The following EXT1 variants were observed in gnomAD, a reference collection of about 807,000 sequenced individuals.
EXT1 encodes the protein exostosin glycosyltransferase 1.
In EXT1, 20 loss-of-function variants were observed where a neutral mutation model predicts 82.5. That is an observed-to-expected ratio of 0.24 (90% CI 0.17 to 0.35). The LOEUF (loss-of-function observed/expected upper bound fraction) is 0.35. Among genes scored for constraint, EXT1 ranks in the 10% least tolerant of loss-of-function variants. The pLI is 1.00. For synonymous variants in EXT1, 348 were observed against 350.8 expected, an observed-to-expected ratio of 0.99 and a Z score of 0.09; for missense variants, 757 against 936.5, an observed-to-expected ratio of 0.81 and a Z score of 2.50.
chr8:118,050,699 C>T lies in EXT1; in HGVS notation c.962+59386G>A, dbSNP rs576801175. Among the ~76,000 whole-genome samples, 38 of 152,294 alleles carry T rather than the reference C, an allele frequency of 2.5e-4. No homozygotes were observed. In the East Asian group the frequency reaches 7.3e-3, roughly 29 times the overall value. On this transcript the variant is annotated intron_variant, in intron 1 of 10. Transcript: ENST00000378204. ...TGACATTTGATTTTCATATAATTTT[C>T]ACATGTCATAAAGTACTATTCTTCT...
At chr8:118,064,588 T>C (rs1021163784) in intron 1 of EXT1, among the ~76,000 whole-genome samples, 3 of 152,224 alleles carry the variant, frequency 2.0e-5, no homozygotes, top group Admixed American at 6.5e-5. Context: ...TTGATGGGCA[T>C]CTGGGTTGGT....
At chr8:118,075,368 T>C (rs1817188240) in intron 1 of EXT1, among the ~76,000 whole-genome samples, 1 of 152,216 alleles carries the variant, frequency 6.6e-6, no homozygotes, top group South Asian at 2.1e-4. Flanking sequence ...GAGAGGCTGA[T>C]CTATGTGTTC....
intron 1 of EXT1, among the ~76,000 whole-genome samples, chr8:117,946,063 C>T (rs1814381229): frequency 6.6e-6 from 1 of 152,084 alleles, no homozygotes; most frequent in African/African-American, 2.4e-5. Flanking sequence ...CCATGCCCGG[C>T]TAATTTTATA....
intron 1 of EXT1, among the ~76,000 whole-genome samples, chr8:117,931,879 C>T (rs1442175376): frequency 6.6e-6 from 1 of 152,142 alleles, no homozygotes; most frequent in South Asian, 2.1e-4. Context: ...TTTTTGATCA[C>T]TTGAAATGTT....
chr8:117,818,299 A>G, intron 7 of EXT1, 136 bp downstream of exon 7: 1 of 747,130 alleles, frequency 1.3e-6, no homozygotes, highest in East Asian at 2.6e-5. Context: ...ATCTGAGAAT[A>G]TTCTGAGAAA....
rs1398390237 is a variant in EXT1, at chr8:117,997,251, ATATATATATATACACACTT to A, written c.962+112815_962+112833del. ...GTATGGTATAGTTGTCATACTATAT[ATATATATATATACACACTT>A]TATATATATATACTTTATATATAAT... On this transcript the variant is annotated intron_variant, in intron 1 of 10. Transcript: ENST00000378204. Among the ~76,000 whole-genome samples, 3 of 130,072 alleles carry A rather than the reference ATATATATATATACACACTT, an allele frequency of 2.3e-5. No homozygotes were observed. In the East Asian group the frequency reaches 6.8e-4, roughly 30 times the overall value. 85.3% of individuals were successfully genotyped at this position (130,072 alleles called of 152,430 possible).
chr8:117,846,830 C>T (rs1036482424), intron 1 of EXT1, among the ~76,000 whole-genome samples: 2 of 152,138 alleles, frequency 1.3e-5, no homozygotes, highest in African/African-American at 4.8e-5. Flanking sequence ...GTCAGCTCCC[C>T]ACCTAGGACA....
chr8:117,831,509 T>G, intron 3 of EXT1: 1 of 458,268 alleles, frequency 2.2e-6, no homozygotes, highest in South Asian at 1.6e-5. Flanking sequence ...TTCCCTATTT[T>G]CACCTACAGT....
chr8:117,938,197 C>T (rs1371725271), intron 1 of EXT1, among the ~76,000 whole-genome samples: 1 of 152,152 alleles, frequency 6.6e-6, no homozygotes, highest in East Asian at 1.9e-4. Flanking sequence ...CACGGTGGCT[C>T]ATGCCTGTAA....
At chr8:118,033,732 G>C (rs1243864283) in intron 1 of EXT1, among the ~76,000 whole-genome samples, 1 of 152,036 alleles carries the variant, frequency 6.6e-6, no homozygotes, top group East Asian at 1.9e-4. Context: ...CTTCTGCTTC[G>C]GCCTCTGAAA....
intron 1 of EXT1, among the ~76,000 whole-genome samples, chr8:117,886,876 T>G (rs890335535): frequency 2.0e-5 from 3 of 152,176 alleles, no homozygotes; most frequent in African/African-American, 7.2e-5. Flanking sequence ...GGACAGAGGT[T>G]AAAAGCTTAA....
intron 1 of EXT1, among the ~76,000 whole-genome samples, chr8:117,901,991 C>A (rs1397195416): frequency 6.6e-6 from 1 of 152,068 alleles, no homozygotes; most frequent in African/African-American, 2.4e-5. Flanking sequence ...AGCCACTGCG[C>A]CCAGCCTATA....
In EXT1 at chr8:117,888,268, A is replaced by G. The variant is rs149489491; in HGVS notation, c.963-51067T>C. Among the ~76,000 whole-genome samples, 399 of 152,228 alleles carry G rather than the reference A, an allele frequency of 2.6e-3. 2 individuals are homozygous for G. The highest frequency in any genetic ancestry group is 9.3e-3 in the African/African-American group (387 of 41,554). ...CACAGAGGTTATCATTTTATGCTATAATGAACTGTGTCAAGATTATGGTGA... is the reference window on the plus strand; with the variant it reads ...CACAGAGGTTATCATTTTATGCTATGATGAACTGTGTCAAGATTATGGTGA... On this transcript the variant is annotated intron_variant, in intron 1 of 10. Transcript: ENST00000378204.
intron 4 of EXT1, among the ~76,000 whole-genome samples, chr8:117,827,627 C>G (rs1177761377): frequency 1.3e-5 from 2 of 151,550 alleles, no homozygotes; most frequent in Non-Finnish European, 2.9e-5. Flanking sequence ...GCAGCCTGGC[C>G]AACATGGTGA....
At chr8:118,037,893 T>C (rs1816455271) in intron 1 of EXT1, among the ~76,000 whole-genome samples, 2 of 146,236 alleles carry the variant, frequency 1.4e-5, no homozygotes, top group Admixed American at 6.9e-5. Flanking sequence ...CAGACTGCAG[T>C]GCAATGGCAT....
chr8:117,843,010 A>G lies in EXT1; in HGVS notation c.963-5809T>C, dbSNP rs1812297121. Among the ~76,000 whole-genome samples the G allele has an allele frequency of 2.6e-5, 4 of 152,240 alleles. 1 individual carries two copies. The highest frequency in any genetic ancestry group is 2.0e-4 in the Admixed American group (3 of 15,286). On this transcript the variant is annotated intron_variant, in intron 1 of 10. Transcript: ENST00000378204. The stretch of plus-strand genomic sequence containing the variant: ...GTCTCAAGTATTTATTCATAAAGTA[A>G]CTTAACATCTACAGCTGATCTACTC...
chr8:118,011,132 T>C (rs1815891133), intron 1 of EXT1, among the ~76,000 whole-genome samples: 2 of 152,318 alleles, frequency 1.3e-5, no homozygotes, highest in South Asian at 4.1e-4. Flanking sequence ...AAGTGTTATA[T>C]GCAAACGACA....
intron 1 of EXT1, among the ~76,000 whole-genome samples, chr8:118,012,680 G>A (rs1458754307): frequency 6.6e-6 from 1 of 152,142 alleles, no homozygotes; most frequent in Non-Finnish European, 1.5e-5. Flanking sequence ...CTTTAAAATG[G>A]GGCTGATAAA....
chr8:118,110,257 G>A lies in EXT1; in HGVS notation c.790C>T (p.Leu264=), dbSNP rs779457224. Residue 264 remains leucine, a synonymous_variant, in exon 1 of 11, where the codon CTG becomes TTG. Coordinates refer to ENST00000378204, the MANE Select transcript of EXT1 (RefSeq NM_000127.3). The stretch of plus-strand genomic sequence containing the variant: ...AGGTACCTCTTCCCCTTGAATACCA[G>A]CATGTACTTCCTGAGAGGAGGGATG... The part of the protein sequence containing the change: ...NTIPPLRKYM[L]VFKGKRYLTG... 1 of 1,614,144 alleles carries A rather than the reference G, an allele frequency of 6.2e-7. No homozygotes were observed. Among genetic ancestry groups the A allele is most frequent in the Non-Finnish European group, 8.5e-7 (1 of 1,180,038 alleles).
Sources: gnomAD v4.1 joint callset for allele counts (sites outside exome capture counted in the v4.1 genomes callset) on GRCh38, gnomAD v4.1.1 for gene constraint, MANE v1.5 for transcripts, NCBI Gene and HGNC (gene_info 2026-07-23, HGNC 2026-07-21) for gene names.